MAP3K15: variants seen among roughly 807,000 people sequenced by gnomAD.
MAP3K15 encodes the protein MAPK/ERK kinase kinase 15.
Under a neutral mutation model 99.5 loss-of-function variants are expected in MAP3K15, and 124 were observed. The observed-to-expected ratio is 1.25, with a 90% CI of 1.08 to 1.45. The LOEUF (loss-of-function observed/expected upper bound fraction) is 1.45. MAP3K15 is among the 40% of genes most tolerant of loss of function. The pLI is 0.00. For missense variants in MAP3K15, 1,242 were observed against 1,079.7 expected, an observed-to-expected ratio of 1.15 and a Z score of -2.11; for synonymous variants, 494 against 439.6, an observed-to-expected ratio of 1.12 and a Z score of -1.55.
At chrX:19,370,812 G>A (rs1179076001) in intron 24 of MAP3K15, 147 bp downstream of exon 24, 5 of 480,904 alleles carry the variant, frequency 1.0e-5, no homozygotes, top group East Asian at 3.9e-5. Flanking sequence ...AATCAGCCCC[G>A]GAAGAAGTCT....
At chrX:19,365,239 C>T (rs2063327328) in intron 25 of MAP3K15, among the ~76,000 whole-genome samples, 1 of 110,237 alleles carries the variant, frequency 9.1e-6, no homozygotes, top group Non-Finnish European at 1.9e-5. Context: ...CTTCGACCTA[C>T]TTTGTTTGAC....
chrX:19,380,504 T>C (rs966646039), intron 18 of MAP3K15, among the ~76,000 whole-genome samples: 1 of 111,239 alleles, frequency 9.0e-6, no homozygotes, highest in African/African-American at 3.3e-5. Flanking sequence ...TGGAGTCTTG[T>C]CCCATGCATA....
chrX:19,400,482 T>G, intron 14 of MAP3K15, 94 bp downstream of exon 14: 8 of 623,069 alleles, frequency 1.3e-5, no homozygotes, highest in Non-Finnish European at 2.0e-5. Flanking sequence ...TAAAACATAC[T>G]CAACAGAGGA....
chrX:19,394,843 G>C (rs1388225856), intron 16 of MAP3K15, among the ~76,000 whole-genome samples: 1 of 68,201 alleles, frequency 1.5e-5, no homozygotes. Flanking sequence ...TTTAAAAAGA[G>C]TGATGGGTTT....
At chrX:19,368,188 G>C (rs999845829) in intron 25 of MAP3K15, among the ~76,000 whole-genome samples, 1 of 110,982 alleles carries the variant, frequency 9.0e-6, no homozygotes, top group Non-Finnish European at 1.9e-5. Flanking sequence ...CATTGCCCAG[G>C]CTAGAGTGCA....
chrX:19,410,676 G>A (rs959011649), intron 11 of MAP3K15, among the ~76,000 whole-genome samples: 4 of 111,532 alleles, frequency 3.6e-5, no homozygotes, highest in African/African-American at 1.3e-4. Context: ...TTAGAAGCTA[G>A]CCTACCATGA....
At chrX:19,414,697 T>G (rs941467916) in intron 10 of MAP3K15, among the ~76,000 whole-genome samples, 13 of 112,222 alleles carry the variant, frequency 1.2e-4, no homozygotes, top group Admixed American at 1.1e-3. Flanking sequence ...TAGAGGAAAG[T>G]TTGTCCACTT....
chrX:19,424,380 T>A (rs924011614), intron 9 of MAP3K15, among the ~76,000 whole-genome samples: 7 of 109,610 alleles, frequency 6.4e-5, no homozygotes, highest in African/African-American at 2.3e-4. Flanking sequence ...ACATGCAGGT[T>A]TGTTACCACA....
chrX:19,500,358 G>C (rs2064433396), intron 1 of MAP3K15, among the ~76,000 whole-genome samples: 1 of 111,742 alleles, frequency 8.9e-6, no homozygotes, highest in African/African-American at 3.3e-5. Context: ...GTCAGAGCTG[G>C]GTAATGTACA....
Position 19,387,189 on chromosome X carries a change from C to T in MAP3K15, c.2431+4813G>A, listed in dbSNP as rs142463874. On this transcript the variant is annotated intron_variant, in intron 18 of 28. Coordinates refer to ENST00000338883, the MANE Select transcript of MAP3K15 (RefSeq NM_001001671.4). ...GACTCAGCTCCATGTGTATGTGTTCCTGTAGGTAAATTACACAGTGGACTG... is the reference window on the plus strand; with the variant it reads ...GACTCAGCTCCATGTGTATGTGTTCTTGTAGGTAAATTACACAGTGGACTG... Among the ~76,000 whole-genome samples the T allele has an allele frequency of 8.1e-3, 900 of 110,706 alleles. 5 individuals carry two copies. Among genetic ancestry groups the T allele is most frequent in the African/African-American group, 0.028 (854 of 30,416 alleles).
intron 1 of MAP3K15, among the ~76,000 whole-genome samples, chrX:19,489,969 G>A (rs2064356515): frequency 9.0e-6 from 1 of 111,068 alleles, no homozygotes; most frequent in African/African-American, 3.3e-5. Flanking sequence ...CTGGGAGGCA[G>A]AGGTTGCAGT....
At chrX:19,469,683 T>C (rs769215229) in intron 3 of MAP3K15, among the ~76,000 whole-genome samples, 2,601 of 110,308 alleles carry the variant, frequency 0.024, 92 homozygotes, top group African/African-American at 0.081. Flanking sequence ...GAATCTACAA[T>C]GAACTCAAAC....
At chrX:19,373,473 C>T (rs1039611039) in intron 21 of MAP3K15, 63 bp downstream of exon 21, 4 of 1,135,300 alleles carry the variant, frequency 3.5e-6, no homozygotes, top group African/African-American at 3.6e-5. Flanking sequence ...GGGAGGTGCC[C>T]TGTGGCGGAG....
intron 25 of MAP3K15, among the ~76,000 whole-genome samples, chrX:19,364,993 C>A (rs1342882503): frequency 1.8e-5 from 2 of 109,758 alleles, no homozygotes; most frequent in Admixed American, 1.9e-4. Flanking sequence ...CACCTGAGGT[C>A]AGGAGTTCAA....
At chrX:19,478,460 T>G (rs945862996) in intron 3 of MAP3K15, among the ~76,000 whole-genome samples, 1 of 107,693 alleles carries the variant, frequency 9.3e-6, no homozygotes, top group East Asian at 3.0e-4. Flanking sequence ...TCCTAAGCCA[T>G]AGGAAACTGA....
At chrX:19,422,771 A>G (rs1249069349) in intron 9 of MAP3K15, among the ~76,000 whole-genome samples, 1 of 111,986 alleles carries the variant, frequency 8.9e-6, no homozygotes, top group Non-Finnish European at 1.9e-5. Flanking sequence ...AACACTTGGA[A>G]CCAAGCCAAA....
chrX:19,413,003 G>A (rs1003208542), intron 11 of MAP3K15, among the ~76,000 whole-genome samples: 1 of 110,023 alleles, frequency 9.1e-6, no homozygotes, highest in African/African-American at 3.3e-5. Context: ...GCCTCCAAAA[G>A]TGTTGGGACT....
In MAP3K15 at chrX:19,369,035, G is replaced by A. The variant is rs373215605; in HGVS notation, c.3566+19C>T. 4.3e-6 allele frequency: 5 copies of A among 1,165,661 alleles called. No individual in the cohort carries two copies. The highest frequency in any genetic ancestry group is 3.6e-5 in the African/African-American group (2 of 55,499). On this transcript the variant is annotated intron_variant, in intron 25 of 28. Coordinates refer to ENST00000338883, the MANE Select transcript of MAP3K15 (RefSeq NM_001001671.4). Reference sequence around the variant, plus strand: ...TGTCCCAGCGCCTGCTCCCAGAGGAGGGCCCAGAAGCTCCTCACCTGTTGG... The same window carrying A: ...TGTCCCAGCGCCTGCTCCCAGAGGAAGGCCCAGAAGCTCCTCACCTGTTGG...
chrX:19,514,393 T>C lies in MAP3K15; in HGVS notation c.361+508A>G, dbSNP rs182575272. 5.1e-4 allele frequency among the ~76,000 whole-genome samples: 51 copies of C among 100,913 alleles called. No individual in the cohort carries two copies. The East Asian group carries it at 0.011, about 23-fold the overall frequency. 87.6% of individuals were successfully genotyped at this position (100,913 alleles called of 115,157 possible). A position where few individuals can be genotyped will look rare whatever the true frequency, so the allele number is the denominator to read the frequency against. ...GTTACAGGCTGTTTCTTGGGTTATC[T>C]GATGTTTAAGATGCCTGAAGAATCA... On this transcript the variant is annotated intron_variant, in intron 1 of 28. Transcript: ENST00000338883.
Sources: allele counts gnomAD v4.1 joint callset (sites outside exome capture counted in the v4.1 genomes callset), GRCh38; gene constraint gnomAD v4.1.1; transcripts MANE v1.5; gene names NCBI Gene and HGNC (gene_info 2026-07-23, HGNC 2026-07-21).